Variants in ABLIM3 observed in about 807,000 individuals in gnomAD.
The protein encoded by ABLIM3 is actin-binding LIM protein 3.
Under a neutral mutation model 109.5 loss-of-function variants are expected in ABLIM3, and 61 were observed. That is an observed-to-expected ratio of 0.56 (90% CI 0.45 to 0.69). ABLIM3 has a LOEUF of 0.69. ABLIM3 is among the 30% of genes least tolerant of loss of function. The probability of loss-of-function intolerance (pLI) is 0.00; values close to 1 mark genes in which losing one functional copy is unlikely to be tolerated. For missense variants in ABLIM3, 796 were observed against 889.5 expected, an observed-to-expected ratio of 0.89 and a Z score of 1.34; for synonymous variants, 300 against 324.8, an observed-to-expected ratio of 0.92 and a Z score of 0.82.
intron 19 of ABLIM3, among the ~76,000 whole-genome samples, 156 bp from the exon 20 acceptor site, chr5:149,250,291 C>A (rs1463478204): frequency 6.6e-6 from 1 of 152,186 alleles, no homozygotes; most frequent in Non-Finnish European, 1.5e-5. Context: ...GGTCAAGTTG[C>A]AAATCTGGAG....
At chr5:149,200,480 C>A (rs752401813) in intron 5 of ABLIM3, 52 bp downstream of exon 5, 2 of 1,574,232 alleles carry the variant, frequency 1.3e-6, no homozygotes, top group Non-Finnish European at 1.7e-6. Context: ...TCTCTCTGGG[C>A]TCCCCTTTCC....
intron 4 of ABLIM3, 53 bp from the exon 5 acceptor site, chr5:149,200,263 A>G (rs1426472340): frequency 1.3e-6 from 2 of 1,512,928 alleles, no homozygotes; most frequent in Non-Finnish European, 1.8e-6. Flanking sequence ...GTGGTCAGCT[A>G]CAGAATCCCT....
At chr5:149,194,397 G>A (rs375019934) in intron 3 of ABLIM3, among the ~76,000 whole-genome samples, 1 of 152,150 alleles carries the variant, frequency 6.6e-6, no homozygotes. Context: ...TACTGTTGAT[G>A]ATATATATCA....
At chr5:149,206,397 G>A (rs1164512082) in intron 5 of ABLIM3, among the ~76,000 whole-genome samples, 1 of 152,180 alleles carries the variant, frequency 6.6e-6, no homozygotes, top group East Asian at 1.9e-4. Flanking sequence ...GTACCATCAG[G>A]CCCATTCATT....
At chr5:149,197,552 A>C (rs563137036) in intron 3 of ABLIM3, among the ~76,000 whole-genome samples, 55 of 152,284 alleles carry the variant, frequency 3.6e-4, no homozygotes, top group Non-Finnish European at 6.9e-4. Flanking sequence ...GCCTGAGAAT[A>C]GACACCCCCC....
intron 8 of ABLIM3, among the ~76,000 whole-genome samples, chr5:149,228,206 T>C (rs891129260): frequency 6.6e-6 from 1 of 152,228 alleles, no homozygotes; most frequent in Non-Finnish European, 1.5e-5. Flanking sequence ...GTTCCTTGCC[T>C]GAACCTTCTG....
intron 6 of ABLIM3, among the ~76,000 whole-genome samples, chr5:149,208,697 G>T (rs1445709300): frequency 6.6e-6 from 1 of 152,150 alleles, no homozygotes; most frequent in Non-Finnish European, 1.5e-5. Context: ...AGCCTCTTGT[G>T]ACCCACAGGG....
chr5:149,233,350 G>C (rs1379420945), intron 10 of ABLIM3, 50 bp downstream of exon 10: 22 of 1,558,528 alleles, frequency 1.4e-5, no homozygotes, highest in Non-Finnish European at 1.9e-5. Flanking sequence ...TCCTGACCTG[G>C]TATATAAAGA....
intron 8 of ABLIM3, among the ~76,000 whole-genome samples, chr5:149,223,122 AT>A (rs5872116): frequency 0.078 from 11,612 of 148,042 alleles, 1,025 homozygotes; most frequent in African/African-American, 0.22. Context: ...GCGAGCTGCC[AT>A]TTTTTTTTTT....
chr5:149,230,837 C>G (rs569859310), intron 9 of ABLIM3, 130 bp downstream of exon 9: 2 of 1,071,844 alleles, frequency 1.9e-6, no homozygotes, highest in Admixed American at 4.1e-5. Flanking sequence ...TGCCTATGTC[C>G]TTGGATTTTC....
In ABLIM3 at chr5:149,198,553, C is replaced by A; in HGVS notation, c.335+151C>A. ...CTCAGGTGTGGAGGGATCTGATGGG[C>A]CAGTGGTTTTCAAACACTGTAGCAT... is the stretch of plus-strand genomic sequence containing the variant. On this transcript the variant is annotated intron_variant, in intron 4 of 23. Coordinates refer to ENST00000309868, the MANE Select transcript of ABLIM3 (RefSeq NM_014945.5). This position sits in a 1 kb window ranked among gnomAD's most constrained non-coding sequence, Gnocchi z 4.2. The A allele has an allele frequency of 1.1e-6, 1 of 880,446 alleles. No individual in the cohort carries two copies. 54.5% of individuals were successfully genotyped at this position (880,446 alleles called of 1,614,324 possible).
intron 2 of ABLIM3, among the ~76,000 whole-genome samples, chr5:149,149,470 T>A (rs1027674458): frequency 6.6e-6 from 1 of 152,228 alleles, no homozygotes; most frequent in Non-Finnish European, 1.5e-5. Flanking sequence ...CAGTAGGTGA[T>A]GGATTTTCTA....
At chr5:149,149,174 G>A (rs1753196903) in intron 2 of ABLIM3, among the ~76,000 whole-genome samples, 1 of 152,226 alleles carries the variant, frequency 6.6e-6, no homozygotes, top group South Asian at 2.1e-4. Context: ...GGATTCTCGA[G>A]TTCAAACTCA....
intron 2 of ABLIM3, among the ~76,000 whole-genome samples, chr5:149,164,496 C>A (rs2127451682): frequency 6.6e-6 from 1 of 152,260 alleles, no homozygotes; most frequent in South Asian, 2.1e-4. Context: ...AGTCTCCAGA[C>A]CCACAGGATG....
intron 5 of ABLIM3, chr5:149,200,753 A>C: frequency 3.3e-6 from 1 of 306,182 alleles, no homozygotes; most frequent in Non-Finnish European, 6.2e-6. Context: ...GTGTTTTTTC[A>C]CCAGTGGCTC....
intron 4 of ABLIM3, 133 bp from the exon 5 acceptor site, chr5:149,200,183 C>G (rs536215991): frequency 4.1e-6 from 3 of 734,096 alleles, no homozygotes; most frequent in African/African-American, 1.7e-5. Flanking sequence ...TCACTGTGAA[C>G]AGCATTTGAA....
Position 149,247,289 on chromosome 5 carries a change from AC to A in ABLIM3, c.1552-492del, listed in dbSNP as rs2127567834. ...ACATAGATTGCTGGTTCCCAGGGGC[AC>A]GGGGAGAGGGGAATGGGGAGTGAGT... is the stretch of plus-strand genomic sequence containing the variant. On this transcript the variant is annotated intron_variant, in intron 17 of 23. Transcript: ENST00000309868. Among the ~76,000 whole-genome samples the A allele has an allele frequency of 1.3e-5, 2 of 152,314 alleles. 1 individual carries two copies. The highest frequency in any genetic ancestry group is 4.1e-4 in the South Asian group (2 of 4,828).
At chr5:149,249,593 C>T (rs1261770843) in intron 18 of ABLIM3, among the ~76,000 whole-genome samples, 1 of 152,154 alleles carries the variant, frequency 6.6e-6, no homozygotes, top group African/African-American at 2.4e-5. Context: ...AGAGCACCTG[C>T]CCTGTGCCAG....
At position 149,247,817 on chromosome 5, in the gene ABLIM3, A is replaced by G; in HGVS notation, c.1587A>G (p.Glu529=). 1 of 1,614,276 alleles carries G rather than the reference A, an allele frequency of 6.2e-7. No individual in the cohort carries two copies. Among genetic ancestry groups the G allele is most frequent in the Non-Finnish European group, 8.5e-7 (1 of 1,180,044 alleles). Residue 529 remains glutamate (E), a synonymous_variant, in exon 18 of 24, where the codon GAA becomes GAG. Transcript: ENST00000309868. The part of the protein sequence containing the change: ...QSGIGRLILK[E]EMKARSSSYA... ...GAATTGGCCGGCTGATTCTGAAGGA[A>G]GAAATGAAGGCCCGGTCGAGCTCCT...
Sources: allele counts gnomAD v4.1 joint callset (sites outside exome capture counted in the v4.1 genomes callset), GRCh38; gene constraint gnomAD v4.1.1; non-coding constraint Gnocchi (gnomAD v3.1); transcripts MANE v1.5; gene names NCBI Gene and HGNC (gene_info 2026-07-23, HGNC 2026-07-21).